The following CACUL1 variants were observed in gnomAD, a reference collection of about 807,000 sequenced individuals.
CACUL1 encodes the protein CDK2 associated cullin domain 1.
CACUL1 carries 13 observed loss-of-function variants against 45.2 expected under a neutral mutation model. That is an observed-to-expected ratio of 0.29 (90% confidence interval 0.19 to 0.46). CACUL1 has a LOEUF of 0.46. Ranked by LOEUF, CACUL1 falls within the 20% of genes least tolerant of loss-of-function variation. The pLI is 1.00. For missense variants in CACUL1, 421 were observed against 471.4 expected (o/e 0.89, Z 0.99); for synonymous variants, 197 against 174.2 (o/e 1.13, Z -1.03).
chr10:118,747,260 C>G (rs1845851525), intron 1 of CACUL1, among the ~76,000 whole-genome samples: 1 of 152,196 alleles, frequency 6.6e-6, no homozygotes, highest in South Asian at 2.1e-4. Flanking sequence ...CTAACCAGTA[C>G]AAGTGCCAAT....
Position 118,678,694 on chromosome 10 carries a change from C to G in CACUL1, c.*7434G>C, listed in dbSNP as rs1845121088. On this transcript the variant is annotated 3_prime_UTR_variant, in exon 9 of 9. Coordinates refer to ENST00000369151, the MANE Select transcript of CACUL1 (RefSeq NM_153810.5). The stretch of plus-strand genomic sequence containing the variant: ...TCTTGTCCTATTATAAACAGCATTT[C>G]TTAATTACATTAAAAAGCCAATCTT... The G allele has an allele frequency of 6.6e-6, 1 of 151,942 alleles. No homozygotes were observed. Among genetic ancestry groups the G allele is most frequent in the African/African-American group, 2.4e-5 (1 of 41,350 alleles). 9.4% of individuals were successfully genotyped at this position (151,942 alleles called of 1,614,324 possible).
intron 2 of CACUL1, 55 bp from the exon 3 acceptor site, chr10:118,729,452 C>G: frequency 7.9e-7 from 1 of 1,266,570 alleles, no homozygotes; most frequent in Non-Finnish European, 1.1e-6. Flanking sequence ...GCACTTAACT[C>G]AGTCCAAGGT....
intron 3 of CACUL1, among the ~76,000 whole-genome samples, chr10:118,725,489 A>AG (rs779686478): frequency 2.7e-4 from 41 of 152,146 alleles, no homozygotes; most frequent in Non-Finnish European, 5.0e-4. Flanking sequence ...AGAAGAGCGG[A>AG]GTTAATAAGG....
In CACUL1 at chr10:118,677,189, C is replaced by A. The variant is rs1215414129; in HGVS notation, c.*8939G>T. On this transcript the variant is annotated 3_prime_UTR_variant, in exon 9 of 9. Transcript: ENST00000369151. The stretch of plus-strand genomic sequence containing the variant: ...TTTGAGTTTTCTATTTTCTAAATTA[C>A]CTTCCATTGACTTATCTGTTTACCC... The A allele has an allele frequency of 6.6e-6, 1 of 152,114 alleles. No homozygotes were observed. The highest frequency in any genetic ancestry group is 2.4e-5 in the African/African-American group (1 of 41,404). The allele number at this position is 152,114 out of a possible 1,614,324, so 9.4% of individuals were successfully genotyped here. A position where few individuals can be genotyped will look rare whatever the true frequency, so the allele number is the denominator to read the frequency against.
At chr10:118,689,730 C>T (rs1589601356) in intron 7 of CACUL1, among the ~76,000 whole-genome samples, 1 of 152,158 alleles carries the variant, frequency 6.6e-6, no homozygotes, top group Admixed American at 6.5e-5. Context: ...TTCTCTTATT[C>T]CAGTACCAAA....
rs116522635 is a variant in CACUL1 at position 118,745,283 on chromosome 10, C to A, written c.367+9113G>T. ...AAAAGAAGACAGGAAAAGGGTTGGG[C>A]CCAGTGGCTCATGACTGTAATCCTA... On this transcript the variant is annotated intron_variant, in intron 1 of 8. Coordinates refer to ENST00000369151, the MANE Select transcript of CACUL1 (RefSeq NM_153810.5). Among the ~76,000 whole-genome samples, 198 of 152,198 alleles carry A rather than the reference C, an allele frequency of 1.3e-3. 1 individual carries two copies. Among genetic ancestry groups the A allele is most frequent in the African/African-American group, 4.5e-3 (188 of 41,518 alleles).
intron 7 of CACUL1, among the ~76,000 whole-genome samples, chr10:118,688,598 C>A (rs1037785635): frequency 5.9e-5 from 9 of 152,068 alleles, no homozygotes; most frequent in Admixed American, 4.6e-4. Context: ...ACCCTTACTA[C>A]AAAATAAAAA....
intron 1 of CACUL1, 116 bp from the exon 2 acceptor site, chr10:118,730,526 A>G (rs1392953913): frequency 2.1e-6 from 2 of 965,278 alleles, no homozygotes; most frequent in Non-Finnish European, 3.1e-6. Flanking sequence ...TTACACTGAC[A>G]CTCTATCACC....
chr10:118,701,361 G>A lies in CACUL1; in HGVS notation c.741C>T (p.Asp247=). 1 of 1,579,188 alleles carries A rather than the reference G, an allele frequency of 6.3e-7. No homozygotes were observed. The highest frequency in any genetic ancestry group is 8.7e-7 in the Non-Finnish European group (1 of 1,154,706). The part of the protein sequence containing the change: ...ETKLNRDLKD[D]LIKLFTEHVA... ...CATGTTCCGTAAACAGCTTTATAAG[G>A]TCATCTTTTAAGTCTCTGTTAAGCT... The change falls in exon 5 of 9, where the codon GAC becomes GAT. Residue 247 remains aspartate, a synonymous_variant. Transcript: ENST00000369151.
intron 1 of CACUL1, among the ~76,000 whole-genome samples, chr10:118,738,491 C>G (rs1236480123): frequency 8.1e-6 from 1 of 123,082 alleles, no homozygotes; most frequent in Non-Finnish European, 1.6e-5. Context: ...CCCCACCTAT[C>G]CATTCTGCCA....
intron 7 of CACUL1, 96 bp downstream of exon 7, chr10:118,691,169 C>T: frequency 9.6e-7 from 1 of 1,041,300 alleles, no homozygotes; most frequent in Non-Finnish European, 1.4e-6. Flanking sequence ...CCAGTTACCT[C>T]CCATTCTCAG....
At chr10:118,688,922 C>T (rs1241432399) in intron 7 of CACUL1, among the ~76,000 whole-genome samples, 3 of 152,170 alleles carry the variant, frequency 2.0e-5, no homozygotes, top group Non-Finnish European at 2.9e-5. Context: ...TAAAACAATT[C>T]AAAGACTTAC....
At chr10:118,720,537 G>C (rs1845590289) in intron 3 of CACUL1, among the ~76,000 whole-genome samples, 1 of 152,114 alleles carries the variant, frequency 6.6e-6, no homozygotes, top group African/African-American at 2.4e-5. Context: ...TGTACACCAT[G>C]CAAATGTACT....
intron 5 of CACUL1, among the ~76,000 whole-genome samples, chr10:118,699,039 T>C (rs1232623178): frequency 6.6e-6 from 1 of 152,260 alleles, no homozygotes; most frequent in Non-Finnish European, 1.5e-5. Context: ...ATCTATAAAA[T>C]GGAGGTAATG....
chr10:118,701,483 T>C, intron 4 of CACUL1, 75 bp from the exon 5 acceptor site: 1 of 766,264 alleles, frequency 1.3e-6, no homozygotes. Context: ...GAGCACTAAA[T>C]ATTTTAGAAA....
chr10:118,693,552 T>TA (rs1366997105), intron 6 of CACUL1: 34 of 335,126 alleles, frequency 1.0e-4, no homozygotes, highest in Non-Finnish European at 1.8e-4. Flanking sequence ...CACAATACTT[T>TA]TCTACCTTTA....
chr10:118,687,499 C>T (rs1224110070), intron 7 of CACUL1, among the ~76,000 whole-genome samples: 1 of 152,104 alleles, frequency 6.6e-6, no homozygotes, highest in African/African-American at 2.4e-5. Context: ...CACTCCTCAT[C>T]AACTCCACTG....
chr10:118,707,610 G>A lies in CACUL1; in HGVS notation c.598-23C>T, dbSNP rs373002585. ...GGCCTGTGAGAAAGAACAGAAGTGT[G>A]ATCAATCTGGGAAACCAGGGAAAGA... On this transcript the variant is annotated intron_variant, in intron 3 of 8. Coordinates refer to ENST00000369151, the MANE Select transcript of CACUL1 (RefSeq NM_153810.5). 5.9e-5 allele frequency: 67 copies of A among 1,143,400 alleles called. No individual in the cohort carries two copies. In the African/African-American group the frequency reaches 1.0e-3, roughly 18 times the overall value. The allele number at this position is 1,143,400 out of a possible 1,614,324, so 70.8% of individuals were successfully genotyped here.
chr10:118,715,686 C>T (rs1845535593), intron 3 of CACUL1, among the ~76,000 whole-genome samples: 1 of 152,042 alleles, frequency 6.6e-6, no homozygotes, highest in South Asian at 2.1e-4. Flanking sequence ...ATTTATATCC[C>T]TCCTCCTCTA....
Sources: gnomAD v4.1 joint callset for allele counts (sites outside exome capture counted in the v4.1 genomes callset) on GRCh38, gnomAD v4.1.1 for gene constraint, MANE v1.5 for transcripts, NCBI Gene and HGNC (gene_info 2026-07-23, HGNC 2026-07-21) for gene names.